DCAF8: variants seen among roughly 807,000 people sequenced by gnomAD.
DCAF8 encodes the protein DDB1- and CUL4-associated factor 8.
Under a neutral mutation model 68.0 loss-of-function variants are expected in DCAF8, and 20 were observed. That is an observed-to-expected ratio of 0.29 (90% CI 0.21 to 0.43). The LOEUF (loss-of-function observed/expected upper bound fraction) is 0.43. Among genes scored for constraint, DCAF8 ranks in the 20% least tolerant of loss-of-function variants. The pLI, the probability that DCAF8 is intolerant of heterozygous loss-of-function variation, is 1.00. For missense variants in DCAF8, 460 were observed against 771.0 expected, an observed-to-expected ratio of 0.60 and a Z score of 4.78; for synonymous variants, 230 against 276.9, an observed-to-expected ratio of 0.83 and a Z score of 1.68.
chr1:160,245,847 T>C (rs1286845700), intron 2 of DCAF8, among the ~76,000 whole-genome samples: 3 of 152,174 alleles, frequency 2.0e-5, no homozygotes, highest in Non-Finnish European at 4.4e-5. Context: ...TATTAATTCC[T>C]ATCAAGTGGG....
intron 4 of DCAF8, chr1:160,239,323 T>C (rs1272951055): frequency 2.5e-6 from 3 of 1,219,128 alleles, no homozygotes; most frequent in African/African-American, 1.5e-5. Flanking sequence ...AGTCCCATTT[T>C]ACAGATAAAC....
intron 3 of DCAF8, among the ~76,000 whole-genome samples, chr1:160,242,793 T>C (rs1380944571): frequency 6.6e-6 from 1 of 152,200 alleles, no homozygotes; most frequent in Non-Finnish European, 1.5e-5. Flanking sequence ...AATAAAACTT[T>C]ACAAAAACAA....
At chr1:160,239,206 TAAC>T in intron 4 of DCAF8, 1 of 1,084,486 alleles carries the variant, frequency 9.2e-7, no homozygotes, top group Non-Finnish European at 1.1e-6. Flanking sequence ...CTTTCCAGAA[TAAC>T]AACAGTATAA....
rs752262535 is a variant in DCAF8, at chr1:160,239,791, C to G, written c.629G>C (p.Ser210Thr). ...HFNQRGTWLA[S>T]GSDDLKVVVW... is the part of the protein sequence containing the mutation. ...CACCACCTTCAGGTCATCGCTGCCACTGGCCAGCCAGGTGCCGCGCTGGTT... is the reference window on the plus strand; with the variant it reads ...CACCACCTTCAGGTCATCGCTGCCAGTGGCCAGCCAGGTGCCGCGCTGGTT... Residue 210 changes from serine (S) to threonine (T), a missense_variant, in exon 4 of 14, where the codon AGT becomes ACT. Coordinates refer to ENST00000368074, the MANE Select transcript of DCAF8 (RefSeq NM_015726.4). 1.2e-6 allele frequency: 2 copies of G among 1,614,166 alleles called. No individual in the cohort carries two copies. Among genetic ancestry groups the G allele is most frequent in the South Asian group, 2.2e-5 (2 of 91,094 alleles).
At chr1:160,261,875 AGAC>A in intron 1 of DCAF8, 1 of 154,320 alleles carries the variant, frequency 6.5e-6, no homozygotes, top group East Asian at 1.9e-4. Flanking sequence ...CAAGACCACA[AGAC>A]AACAACCGAC....
intron 12 of DCAF8, 109 bp downstream of exon 12, chr1:160,218,740 A>T (rs1031729491): frequency 2.0e-6 from 3 of 1,498,264 alleles, no homozygotes; most frequent in Non-Finnish European, 2.7e-6. Context: ...AGGGTGTTAG[A>T]GCAGTGCCTT....
intron 6 of DCAF8, among the ~76,000 whole-genome samples, chr1:160,236,332 A>G (rs1181969758): frequency 6.6e-6 from 1 of 151,308 alleles, no homozygotes; most frequent in Non-Finnish European, 1.5e-5. Flanking sequence ...ATATAAATAC[A>G]TATGTGTGTA....
At chr1:160,245,124 T>C (rs1656267640) in intron 2 of DCAF8, among the ~76,000 whole-genome samples, 1 of 152,174 alleles carries the variant, frequency 6.6e-6, no homozygotes, top group Non-Finnish European at 1.5e-5. Flanking sequence ...TGGCAAACAC[T>C]GTTTCACCTA....
chr1:160,219,545 A>T (rs1224988033), intron 11 of DCAF8: 1 of 152,840 alleles, frequency 6.5e-6, no homozygotes, highest in East Asian at 1.9e-4. Context: ...TCTGCTTGAG[A>T]GAACCTTGCA....
At chr1:160,250,606 T>G (rs1327775759) in intron 2 of DCAF8, among the ~76,000 whole-genome samples, 3 of 151,980 alleles carry the variant, frequency 2.0e-5, no homozygotes, top group African/African-American at 4.8e-5. Context: ...GGTCAATATA[T>G]CATAGCAAAT....
chr1:160,237,298 A>G (rs1317963306), intron 5 of DCAF8, 69 bp from the exon 6 acceptor site: 8 of 1,117,864 alleles, frequency 7.2e-6, no homozygotes, highest in Admixed American at 2.6e-5. Flanking sequence ...GTTCATTCCT[A>G]TAACTTTGGG....
At chr1:160,248,835 A>G (rs551739080) in intron 2 of DCAF8, among the ~76,000 whole-genome samples, 87 of 151,974 alleles carry the variant, frequency 5.7e-4, no homozygotes, top group African/African-American at 1.9e-3. Context: ...TCAAGGCTGC[A>G]GTGAGCTATG....
intron 11 of DCAF8, among the ~76,000 whole-genome samples, chr1:160,222,053 A>G (rs1287292284): frequency 6.6e-6 from 1 of 152,154 alleles, no homozygotes; most frequent in East Asian, 1.9e-4. Context: ...ACACATGTAT[A>G]TGTGTTTGTT....
chr1:160,229,484 AATACATATGAATACATAC>A (rs1348614970), intron 7 of DCAF8, among the ~76,000 whole-genome samples: 1 of 151,940 alleles, frequency 6.6e-6, no homozygotes, highest in Non-Finnish European at 1.5e-5. Context: ...ATATCATATG[AATACATATGAATACATAC>A]ATACATATGA....
chr1:160,243,482 G>T (rs573557359), intron 3 of DCAF8, among the ~76,000 whole-genome samples: 1 of 150,334 alleles, frequency 6.7e-6, no homozygotes, highest in Non-Finnish European at 1.5e-5. Flanking sequence ...GGGCTCAAGC[G>T]ATCTGCCTGT....
chr1:160,239,484 C>T, intron 4 of DCAF8: 3 of 1,465,132 alleles, frequency 2.0e-6, no homozygotes, highest in Non-Finnish European at 2.7e-6. Flanking sequence ...TGCACCCTAC[C>T]TATGAGGCTT....
chr1:160,259,220 G>T (rs756134693), intron 2 of DCAF8, among the ~76,000 whole-genome samples: 2 of 152,134 alleles, frequency 1.3e-5, no homozygotes, highest in East Asian at 3.8e-4. Context: ...TTATTAAGAC[G>T]GTCCAGCTGT....
intron 2 of DCAF8, among the ~76,000 whole-genome samples, chr1:160,259,752 G>A (rs1656991616): frequency 1.3e-5 from 2 of 152,146 alleles, no homozygotes; most frequent in Admixed American, 1.3e-4. Flanking sequence ...AGCAGAGAGG[G>A]AAAGAATTAC....
Position 160,238,752 on chromosome 1 carries a change from G to T in DCAF8, c.724-5C>A. On this transcript the variant is annotated splice_polypyrimidine_tract_variant and splice_region_variant and intron_variant, in intron 4 of 13. Transcript: ENST00000368074. ...ACTGTTAGGAAGAAACTTGGCCTGG[G>T]GTGTTAAAAATGAAAAAAAGGACAC... 1.3e-6 allele frequency: 2 copies of T among 1,588,428 alleles called. No individual in the cohort carries two copies. Among genetic ancestry groups the T allele is most frequent in the Non-Finnish European group, 1.7e-6 (2 of 1,170,584 alleles).
Sources: gnomAD v4.1 joint callset for allele counts (sites outside exome capture counted in the v4.1 genomes callset) on GRCh38, gnomAD v4.1.1 for gene constraint, MANE v1.5 for transcripts, NCBI Gene and HGNC (gene_info 2026-07-23, HGNC 2026-07-21) for gene names.